GRB10: variants seen among roughly 807,000 people sequenced by gnomAD.
GRB10 encodes the protein growth factor receptor-bound protein 10.
A neutral mutation model predicts 80.9 loss-of-function variants in GRB10; 20 were observed. The ratio of observed to expected loss-of-function variants is 0.25; its 90% CI spans 0.17 to 0.36. The LOEUF (loss-of-function observed/expected upper bound fraction) is 0.36, where lower values mean the gene tolerates loss of function less well. Ranked by LOEUF, GRB10 falls within the 10% of genes least tolerant of loss-of-function variation. GRB10 has a pLI of 1.00. For missense variants in GRB10, 548 were observed against 747.7 expected, an observed-to-expected ratio of 0.73 and a Z score of 3.12; for synonymous variants, 291 against 291.5, an observed-to-expected ratio of 1.00 and a Z score of 0.02.
chr7:50,684,085 G>A (rs2061834499), intron 5 of GRB10, among the ~76,000 whole-genome samples: 2 of 152,084 alleles, frequency 1.3e-5, no homozygotes, highest in African/African-American at 2.4e-5. Context: ...CGCCGCCAGT[G>A]GAGGCTCATT....
chr7:50,607,830 T>A (rs1004945230), intron 13 of GRB10, among the ~76,000 whole-genome samples: 1 of 152,096 alleles, frequency 6.6e-6, no homozygotes, highest in Non-Finnish European at 1.5e-5. Context: ...ACATCCAGCA[T>A]CCCAACCTAC....
At chr7:50,705,886 G>C (rs757759948) in intron 4 of GRB10, among the ~76,000 whole-genome samples, 1 of 152,246 alleles carries the variant, frequency 6.6e-6, no homozygotes, top group Non-Finnish European at 1.5e-5. Context: ...AAGAACCTCC[G>C]CAACAGGCGC....
At chr7:50,780,302 T>C (rs1428165062) in intron 2 of GRB10, among the ~76,000 whole-genome samples, 2 of 152,084 alleles carry the variant, frequency 1.3e-5, no homozygotes, top group Non-Finnish European at 2.9e-5. Flanking sequence ...CTACCAGATG[T>C]GCCAAGTTAT....
At chr7:50,722,107 C>T (rs988964184) in intron 4 of GRB10, among the ~76,000 whole-genome samples, 1 of 152,102 alleles carries the variant, frequency 6.6e-6, no homozygotes, top group Non-Finnish European at 1.5e-5. Context: ...TCTCCTGCAC[C>T]CCAGAGGCAG....
At chr7:50,645,496 A>T in intron 7 of GRB10, 1 of 569,080 alleles carries the variant, frequency 1.8e-6, no homozygotes. Context: ...TTGGGCACTA[A>T]CTCCTTTAAA....
intron 4 of GRB10, among the ~76,000 whole-genome samples, chr7:50,721,712 A>T (rs59781518): frequency 0.1 from 15,227 of 152,032 alleles, 2,505 homozygotes; most frequent in African/African-American, 0.34. Context: ...GGTAGGGGCC[A>T]AACAGAAGGG....
chr7:50,755,520 G>A (rs1463940627), intron 3 of GRB10, among the ~76,000 whole-genome samples: 2 of 152,164 alleles, frequency 1.3e-5, no homozygotes, highest in African/African-American at 2.4e-5. Context: ...TGAGGCTCAC[G>A]AGGAGTGCCC....
intron 2 of GRB10, among the ~76,000 whole-genome samples, chr7:50,757,064 G>C (rs1279884517): frequency 6.6e-6 from 1 of 152,180 alleles, no homozygotes; most frequent in Non-Finnish European, 1.5e-5. Flanking sequence ...CCTCTTACCT[G>C]ACATCAAGAA....
chr7:50,635,398 A>G (rs2054775541), intron 7 of GRB10, among the ~76,000 whole-genome samples: 1 of 152,174 alleles, frequency 6.6e-6, no homozygotes, highest in Non-Finnish European at 1.5e-5. Flanking sequence ...TAAGTTTTAT[A>G]GTGTTAAATG....
intron 4 of GRB10, among the ~76,000 whole-genome samples, chr7:50,717,724 A>G (rs1041745985): frequency 4.6e-5 from 7 of 152,246 alleles, no homozygotes; most frequent in African/African-American, 1.7e-4. Context: ...TGTCCATATT[A>G]TCAACCAGGT....
At chr7:50,722,632 G>GAACCA in intron 4 of GRB10, among the ~76,000 whole-genome samples, 1 of 152,228 alleles carries the variant, frequency 6.6e-6, no homozygotes, top group African/African-American at 2.4e-5. Flanking sequence ...CAGGGTGACA[G>GAACCA]GGCCCAGAGT....
chr7:50,761,306 T>G (rs927469896), intron 2 of GRB10, among the ~76,000 whole-genome samples: 1 of 152,260 alleles, frequency 6.6e-6, no homozygotes, highest in Non-Finnish European at 1.5e-5. Flanking sequence ...AAGTTTCTCT[T>G]CATTTTGATT....
chr7:50,708,937 G>C (rs771411103), intron 4 of GRB10, among the ~76,000 whole-genome samples: 3 of 152,136 alleles, frequency 2.0e-5, no homozygotes, highest in Non-Finnish European at 4.4e-5. Context: ...GCCTCCCAAA[G>C]TGCTGGGATT....
chr7:50,783,603 G>C (rs891495389), upstream of GRB10, among the ~76,000 whole-genome samples: 1 of 151,916 alleles, frequency 6.6e-6, no homozygotes. Context: ...AATGATGGAA[G>C]CAAAACAGAA....
intron 4 of GRB10, among the ~76,000 whole-genome samples, chr7:50,731,565 C>T (rs773110854): frequency 6.6e-6 from 1 of 152,096 alleles, no homozygotes; most frequent in African/African-American, 2.4e-5. Context: ...AACCAGGATT[C>T]GCGAATCAAA....
intron 17 of GRB10, among the ~76,000 whole-genome samples, chr7:50,601,889 A>G (rs2047678363): frequency 6.6e-6 from 1 of 152,216 alleles, no homozygotes; most frequent in Admixed American, 6.5e-5. Context: ...AGTCTAATAC[A>G]TCTTGTCACC....
chr7:50,639,566 G>C lies in GRB10; in HGVS notation c.505-12588C>G, dbSNP rs184945911. ...CAGGCGCCTGTAGTCCCAGCTACTT[G>C]GGAGGCTGAGGCGGGAGAATGGCGT... On this transcript the variant is annotated intron_variant, in intron 7 of 18. Coordinates refer to ENST00000401949, the MANE Select transcript of GRB10 (RefSeq NM_001350814.2). Among the ~76,000 whole-genome samples, 49 of 152,252 alleles carry C rather than the reference G, an allele frequency of 3.2e-4. No homozygotes were observed. The East Asian group carries it at 7.5e-3, about 23-fold the overall frequency.
In GRB10 at chr7:50,689,981, A is replaced by C. The variant is rs369015577; in HGVS notation, c.139+13840T>G. ...GACTCTGGCTGATTAGTACTGGTTAATTGTGGTTAAAAAGGAAAAAAAAAA... is the reference window on the plus strand; with the variant it reads ...GACTCTGGCTGATTAGTACTGGTTACTTGTGGTTAAAAAGGAAAAAAAAAA... On this transcript the variant is annotated intron_variant, in intron 5 of 18. Coordinates refer to ENST00000401949, the MANE Select transcript of GRB10 (RefSeq NM_001350814.2). Among the ~76,000 whole-genome samples the C allele has an allele frequency of 9.7e-4, 147 of 151,346 alleles. 1 individual carries two copies. Among genetic ancestry groups the C allele is most frequent in the African/African-American group, 3.4e-3 (141 of 41,086 alleles).
intron 7 of GRB10, among the ~76,000 whole-genome samples, chr7:50,631,112 G>C (rs1370551074): frequency 1.3e-5 from 2 of 152,068 alleles, no homozygotes; most frequent in African/African-American, 4.8e-5. Context: ...GCCCCTCCTT[G>C]CTGTCAATCT....
Sources: allele counts gnomAD v4.1 joint callset (sites outside exome capture counted in the v4.1 genomes callset), GRCh38; gene constraint gnomAD v4.1.1; transcripts MANE v1.5; gene names NCBI Gene and HGNC (gene_info 2026-07-23, HGNC 2026-07-21).